The following POR variants were observed in gnomAD, a reference collection of about 807,000 sequenced individuals.
The protein encoded by POR is cytochrome p450 oxidoreductase.
A neutral mutation model predicts 84.0 loss-of-function variants in POR; 56 were observed. The ratio of observed to expected loss-of-function variants is 0.67; its 90% CI spans 0.54 to 0.83. The LOEUF (loss-of-function observed/expected upper bound fraction) is 0.83, where lower values mean the gene tolerates loss of function less well. Ranked by LOEUF, POR falls within the 40% of genes least tolerant of loss-of-function variation. The pLI, the probability that POR is intolerant of heterozygous loss-of-function variation, is 0.00. For missense variants in POR, 938 were observed against 944.3 expected (o/e 0.99, Z 0.09); for synonymous variants, 414 against 400.5 (o/e 1.03, Z -0.40).
chr7:75,967,632 A>C (rs1554555462), intron 2 of POR, among the ~76,000 whole-genome samples: 2 of 146,808 alleles, frequency 1.4e-5, no homozygotes, highest in African/African-American at 5.1e-5. Flanking sequence ...TTTGTTCCGC[A>C]GACATGACTT....
At position 75,985,220 on chromosome 7, in the gene POR, A is replaced by T; in HGVS notation, c.1398+13A>T. On this transcript the variant is annotated intron_variant, in intron 12 of 15. Transcript: ENST00000461988. ...CTCATCCTCCAAGGTGAGGGCCGGC[A>T]CTGCCCTGCCAGCCACACGCTGGAG... The T allele has an allele frequency of 6.3e-7, 1 of 1,577,856 alleles. No individual in the cohort carries two copies. Among genetic ancestry groups the T allele is most frequent in the Non-Finnish European group, 8.6e-7 (1 of 1,165,500 alleles).
At chr7:75,953,042 G>T (rs145135915) in intron 1 of POR, among the ~76,000 whole-genome samples, 12,147 of 152,158 alleles carry the variant, frequency 0.08, 1,473 homozygotes, top group African/African-American at 0.26. Flanking sequence ...GAGCACTGAG[G>T]GAACGAGACT....
intron 1 of POR, among the ~76,000 whole-genome samples, chr7:75,949,326 C>T (rs1787314084): frequency 6.6e-6 from 1 of 151,658 alleles, no homozygotes. Context: ...TGGCTAATTT[C>T]TGTATTTTTA....
intron 1 of POR, among the ~76,000 whole-genome samples, chr7:75,951,578 A>G (rs1171765318): frequency 6.6e-6 from 1 of 152,134 alleles, no homozygotes; most frequent in Non-Finnish European, 1.5e-5. Flanking sequence ...CTGGCTTCCC[A>G]GACCAGCCCC....
intron 1 of POR, among the ~76,000 whole-genome samples, chr7:75,953,046 C>G (rs1308725873): frequency 9.2e-5 from 14 of 152,174 alleles, no homozygotes; most frequent in South Asian, 2.1e-4. Flanking sequence ...ACTGAGGGAA[C>G]GAGACTCCGT....
At chr7:75,977,733 G>A (rs370625700) in intron 3 of POR, among the ~76,000 whole-genome samples, 3 of 152,126 alleles carry the variant, frequency 2.0e-5, no homozygotes, top group Admixed American at 2.0e-4. Flanking sequence ...AACTGAGATC[G>A]TGCCATTACA....
intron 1 of POR, among the ~76,000 whole-genome samples, chr7:75,934,361 C>T (rs1484296368): frequency 1.3e-5 from 2 of 152,234 alleles, no homozygotes; most frequent in East Asian, 3.9e-4. Context: ...GGTGCTTTTA[C>T]TACCCTACAT....
At position 75,926,750 on chromosome 7, in the gene POR, C is replaced by T. The variant is rs548438239; in HGVS notation, c.-5+11571C>T. Among the ~76,000 whole-genome samples, 13 of 152,164 alleles carry T rather than the reference C, an allele frequency of 8.5e-5. No homozygotes were observed. The East Asian group carries it at 1.2e-3, about 14-fold the overall frequency. ...CAGAGGTTGCAGTGAGCTGAGGTTG[C>T]GCCATTGCATTCCATCCAGCCTGGG... On this transcript the variant is annotated intron_variant, in intron 1 of 15. Transcript: ENST00000461988.
At chr7:75,956,115 A>G (rs534187179) in intron 2 of POR, among the ~76,000 whole-genome samples, 5 of 152,278 alleles carry the variant, frequency 3.3e-5, no homozygotes, top group Middle Eastern at 6.8e-3. Context: ...CCTGGCCAAC[A>G]TGGCGAAACC....
At position 75,985,589 on chromosome 7, in the gene POR, A is replaced by G; in HGVS notation, c.1409A>G (p.Asn470Ser). Residue 470 changes from asparagine to serine, a missense_variant, in exon 13 of 16, where the codon AAC becomes AGC. Coordinates refer to ENST00000461988, the MANE Select transcript of POR (RefSeq NM_000941.3). Reference sequence around the variant, plus strand: ...CGGCCCTCCCCACAGGTCCACCCCAACTCTGTGCACATCTGTGCGGTGGTT... The same window carrying G: ...CGGCCCTCCCCACAGGTCCACCCCAGCTCTGTGCACATCTGTGCGGTGGTT... The G allele has an allele frequency of 6.4e-7, 1 of 1,554,582 alleles. No homozygotes were observed. Among genetic ancestry groups the G allele is most frequent in the Non-Finnish European group, 8.7e-7 (1 of 1,145,736 alleles).
chr7:75,966,588 G>A (rs1397239057), intron 2 of POR, among the ~76,000 whole-genome samples: 1 of 152,170 alleles, frequency 6.6e-6, no homozygotes, highest in Non-Finnish European at 1.5e-5. Flanking sequence ...AAAGGGAGCT[G>A]GTCCAAAGCA....
At chr7:75,981,255 G>A in intron 6 of POR, 83 bp downstream of exon 6, 1 of 1,458,858 alleles carries the variant, frequency 6.9e-7, no homozygotes, top group Non-Finnish European at 9.1e-7. Context: ...ACACCATTGT[G>A]TCAGCTGAGA....
intron 2 of POR, among the ~76,000 whole-genome samples, chr7:75,965,551 C>G (rs1788141307): frequency 2.0e-5 from 3 of 152,122 alleles, no homozygotes; most frequent in African/African-American, 7.2e-5. Context: ...AGCAGAGCCA[C>G]TTTGTGCCAG....
intron 2 of POR, among the ~76,000 whole-genome samples, chr7:75,969,145 A>T (rs2116513133): frequency 6.6e-6 from 1 of 152,314 alleles, no homozygotes; most frequent in East Asian, 1.9e-4. Flanking sequence ...ATGTGGTCTT[A>T]GCACATGCCA....
Position 75,986,853 on chromosome 7 carries a change from G to A in POR, c.*372G>A, listed in dbSNP as rs2286824. ...CCCTTGGAATAAAGTTCTGTTTTCT[G>A]TATTTGCCTGGTATTGTGTGAGTAG... is the stretch of plus-strand genomic sequence containing the variant. On this transcript the variant is annotated 3_prime_UTR_variant, in exon 16 of 16. Coordinates refer to ENST00000461988, the MANE Select transcript of POR (RefSeq NM_000941.3). The A allele has an allele frequency of 2.2e-3, 1,240 of 575,962 alleles. 22 individuals are homozygous for A. In the East Asian group the frequency reaches 0.034, roughly 16 times the overall value. The allele number at this position is 575,962 out of a possible 1,614,324, so 35.7% of individuals were successfully genotyped here.
chr7:75,959,703 G>T (rs950447547), intron 2 of POR, among the ~76,000 whole-genome samples: 1 of 152,184 alleles, frequency 6.6e-6, no homozygotes, highest in Non-Finnish European at 1.5e-5. Flanking sequence ...TGATCCATCC[G>T]CCTGGGCGTC....
chr7:75,961,356 C>A (rs1189789313), intron 2 of POR, among the ~76,000 whole-genome samples: 1 of 152,142 alleles, frequency 6.6e-6, no homozygotes, highest in Non-Finnish European at 1.5e-5. Flanking sequence ...TGAGCAGCGG[C>A]CCCATTCTGC....
intron 1 of POR, among the ~76,000 whole-genome samples, chr7:75,927,723 T>A (rs1554549699): frequency 2.0e-5 from 3 of 149,008 alleles, no homozygotes; most frequent in Admixed American, 6.8e-5. Context: ...CAGGCTGGAG[T>A]GCAGTGGCCC....
At chr7:75,981,482 CCT>C (rs1554557906) in intron 6 of POR, 33 bp from the exon 7 acceptor site, 9 of 1,584,386 alleles carry the variant, frequency 5.7e-6, no homozygotes, top group Non-Finnish European at 7.7e-6. Flanking sequence ...ATGGGCCTCC[CCT>C]GAGCCGCTCC....
Sources: gnomAD v4.1 joint callset for allele counts (sites outside exome capture counted in the v4.1 genomes callset) on GRCh38, gnomAD v4.1.1 for gene constraint, MANE v1.5 for transcripts, NCBI Gene and HGNC (gene_info 2026-07-23, HGNC 2026-07-21) for gene names.